RNF180: variants seen among roughly 807,000 people sequenced by gnomAD.
RNF180 encodes the protein ring finger protein 180.
RNF180 carries 38 observed loss-of-function variants against 59.2 expected under a neutral mutation model. The ratio of observed to expected loss-of-function variants is 0.64; its 90% CI spans 0.50 to 0.84. The LOEUF is 0.84. RNF180 is among the 40% of genes least tolerant of loss of function. The pLI is 0.00. For synonymous variants in RNF180, 262 were observed against 240.3 expected (o/e 1.09, Z -0.84); for missense variants, 705 against 700.9 (o/e 1.01, Z -0.07).
At chr5:64,240,636 G>A (rs1580087036) in intron 5 of RNF180, among the ~76,000 whole-genome samples, 2 of 152,114 alleles carry the variant, frequency 1.3e-5, no homozygotes, top group African/African-American at 4.8e-5. Context: ...GCCCTCTCAG[G>A]TGGCATCACT....
intron 7 of RNF180, among the ~76,000 whole-genome samples, chr5:64,336,973 G>A (rs767222628): frequency 6.1e-5 from 9 of 148,082 alleles, no homozygotes; most frequent in Non-Finnish European, 8.9e-5. Context: ...GACCACAGAG[G>A]TTTTCACTTT....
intron 5 of RNF180, among the ~76,000 whole-genome samples, chr5:64,293,162 G>A (rs765081023): frequency 7.9e-5 from 12 of 152,206 alleles, no homozygotes; most frequent in Non-Finnish European, 1.5e-4. Context: ...GGAGGAGTGT[G>A]GTTTCCCAGG....
At chr5:64,271,653 A>G (rs1002493579) in intron 5 of RNF180, among the ~76,000 whole-genome samples, 1 of 152,080 alleles carries the variant, frequency 6.6e-6, no homozygotes, top group African/African-American at 2.4e-5. Context: ...CACAGTGGAT[A>G]CAATGGAGTG....
intron 5 of RNF180, among the ~76,000 whole-genome samples, chr5:64,228,544 C>A (rs1295742423): frequency 6.6e-6 from 1 of 151,896 alleles, no homozygotes; most frequent in Non-Finnish European, 1.5e-5. Context: ...AATTTGAGAG[C>A]GTTGTTATCT....
At chr5:64,368,185 T>C (rs1746522835) in intron 7 of RNF180, among the ~76,000 whole-genome samples, 2 of 151,712 alleles carry the variant, frequency 1.3e-5, no homozygotes, top group Admixed American at 6.6e-5. Context: ...GCTAAATTTC[T>C]TTAAAGGAGT....
At chr5:64,279,488 G>T (rs959664069) in intron 5 of RNF180, among the ~76,000 whole-genome samples, 1 of 152,114 alleles carries the variant, frequency 6.6e-6, no homozygotes, top group Non-Finnish European at 1.5e-5. Flanking sequence ...ATTTGTACAT[G>T]TGTGTCTCCT....
intron 5 of RNF180, among the ~76,000 whole-genome samples, chr5:64,224,120 T>C (rs1741526972): frequency 6.6e-6 from 1 of 151,736 alleles, no homozygotes; most frequent in African/African-American, 2.4e-5. Flanking sequence ...CATATTTATA[T>C]CTCAAGTTAT....
At chr5:64,179,895 A>G (rs1002619565) in intron 1 of RNF180, among the ~76,000 whole-genome samples, 1 of 152,122 alleles carries the variant, frequency 6.6e-6, no homozygotes, top group Non-Finnish European at 1.5e-5. Context: ...GATCATTTTT[A>G]TAGTTGGTAT....
At chr5:64,200,732 A>G (rs1433593891) in intron 1 of RNF180, 76 bp from the exon 2 acceptor site, 1 of 1,254,720 alleles carries the variant, frequency 8.0e-7, no homozygotes, top group Admixed American at 1.9e-5. Context: ...CTTGTAGCTA[A>G]TGCCATGTTA....
At chr5:64,207,553 C>T (rs903296792) in intron 2 of RNF180, among the ~76,000 whole-genome samples, 4 of 152,148 alleles carry the variant, frequency 2.6e-5, no homozygotes, top group African/African-American at 4.8e-5. Flanking sequence ...TGATCTTTAT[C>T]GTAGGAGCTG....
chr5:64,248,579 T>G (rs1283178468), intron 5 of RNF180, among the ~76,000 whole-genome samples: 1 of 152,200 alleles, frequency 6.6e-6, no homozygotes, highest in African/African-American at 2.4e-5. Flanking sequence ...CCAGTTAGAA[T>G]GGCGATCATT....
intron 7 of RNF180, among the ~76,000 whole-genome samples, chr5:64,334,461 G>A (rs1409041759): frequency 6.6e-6 from 1 of 151,954 alleles, no homozygotes; most frequent in Non-Finnish European, 1.5e-5. Context: ...GTAATGGTCT[G>A]TTGAGGCCTG....
chr5:64,327,990 T>C (rs1195834231), intron 6 of RNF180, among the ~76,000 whole-genome samples: 2 of 152,280 alleles, frequency 1.3e-5, no homozygotes, highest in East Asian at 3.9e-4. Context: ...TTATATTCTC[T>C]TGCTGAACTG....
At chr5:64,333,824 A>T (rs1252952970) in intron 7 of RNF180, among the ~76,000 whole-genome samples, 2 of 152,204 alleles carry the variant, frequency 1.3e-5, no homozygotes, top group Non-Finnish European at 2.9e-5. Context: ...TAGCATTATT[A>T]CACCACCCAA....
At chr5:64,367,559 G>A (rs564017728) in intron 7 of RNF180, among the ~76,000 whole-genome samples, 117 of 151,406 alleles carry the variant, frequency 7.7e-4, no homozygotes, top group African/African-American at 2.7e-3. Flanking sequence ...TTGAACCTAC[G>A]TAAGTAAATA....
intron 5 of RNF180, among the ~76,000 whole-genome samples, chr5:64,244,426 A>G (rs1743022259): frequency 6.6e-6 from 1 of 152,162 alleles, no homozygotes; most frequent in African/African-American, 2.4e-5. Context: ...AAACAGCATG[A>G]AAAGTTTGTG....
chr5:64,212,091 A>G lies in RNF180; in HGVS notation c.162A>G (p.Gln54=), dbSNP rs1255880323. 6.2e-7 allele frequency: 1 copy of G among 1,603,978 alleles called. No homozygotes were observed. Residue 54 remains glutamine, a synonymous_variant, in exon 3 of 8, where the codon CAA becomes CAG. Transcript: ENST00000389100. ...ATAAAGATGATTCAGTTGATGCTCA[A>G]AATATTTGTCATGTGTGGCACATGA... ...IKDKDDSVDA[Q]NICHVWHMNV...
At chr5:64,212,410 A>G (rs950790142) in intron 3 of RNF180, among the ~76,000 whole-genome samples, 1 of 152,002 alleles carries the variant, frequency 6.6e-6, no homozygotes, top group African/African-American at 2.4e-5. Context: ...AAGCATATAT[A>G]TGACATATAT....
intron 5 of RNF180, among the ~76,000 whole-genome samples, chr5:64,247,665 G>A (rs181983518): frequency 6.6e-5 from 10 of 152,276 alleles, no homozygotes; most frequent in South Asian, 2.1e-4. Context: ...AATCAATATC[G>A]TGAAAATGAC....
Sources: allele counts gnomAD v4.1 joint callset (sites outside exome capture counted in the v4.1 genomes callset), GRCh38; gene constraint gnomAD v4.1.1; transcripts MANE v1.5; gene names NCBI Gene and HGNC (gene_info 2026-07-23, HGNC 2026-07-21).